Variants in KPNA5 observed in about 807,000 individuals in gnomAD.
KPNA5 encodes importin subunit alpha-6.
In KPNA5, 46 loss-of-function variants were observed where a neutral mutation model predicts 71.3. That is an observed-to-expected ratio of 0.65 (90% CI 0.51 to 0.83). KPNA5 has a LOEUF of 0.83. KPNA5 is among the 40% of genes least tolerant of loss of function. The probability of loss-of-function intolerance (pLI) is 0.00; values close to 1 mark genes in which losing one functional copy is unlikely to be tolerated. For synonymous variants in KPNA5, 207 were observed against 201.4 expected, an observed-to-expected ratio of 1.03 and a Z score of -0.24; for missense variants, 547 against 628.3, an observed-to-expected ratio of 0.87 and a Z score of 1.38.
intron 8 of KPNA5, among the ~76,000 whole-genome samples, chr6:116,717,886 C>T (rs1026572812): frequency 7.6e-6 from 1 of 131,612 alleles, no homozygotes; most frequent in Admixed American, 7.0e-5. Flanking sequence ...CAATAGTGTG[C>T]CCCCCCCACC....
At chr6:116,730,714 G>T (rs868804758) in intron 13 of KPNA5, among the ~76,000 whole-genome samples, 6 of 152,198 alleles carry the variant, frequency 3.9e-5, no homozygotes, top group African/African-American at 1.4e-4. Context: ...TGTGGACTCA[G>T]CAGATGTAAA....
At chr6:116,696,081 T>G (rs1342674586) in intron 4 of KPNA5, among the ~76,000 whole-genome samples, 2 of 152,184 alleles carry the variant, frequency 1.3e-5, no homozygotes, top group Non-Finnish European at 2.9e-5. Flanking sequence ...GCAAGTTGTC[T>G]GGGTATCGAA....
At chr6:116,721,790 GATC>G (rs1779114827) in intron 8 of KPNA5, among the ~76,000 whole-genome samples, 2 of 152,148 alleles carry the variant, frequency 1.3e-5, no homozygotes, top group Non-Finnish European at 2.9e-5. Context: ...TATATTCTGT[GATC>G]ATCATATCAA....
chr6:116,724,515 A>T (rs1779225256), intron 10 of KPNA5, 140 bp downstream of exon 10: 1 of 567,534 alleles, frequency 1.8e-6, no homozygotes, highest in South Asian at 2.7e-5. Context: ...GTCTTGGAGG[A>T]TGGTGAGATG....
At chr6:116,694,303 A>C (rs1045077558) in intron 4 of KPNA5, among the ~76,000 whole-genome samples, 11 of 152,192 alleles carry the variant, frequency 7.2e-5, no homozygotes, top group Non-Finnish European at 1.6e-4. Flanking sequence ...TGGGGATGGC[A>C]TTGAATCTAA....
chr6:116,681,570 C>T (rs1160434899), intron 1 of KPNA5: 1 of 1,293,910 alleles, frequency 7.7e-7, no homozygotes, highest in Non-Finnish European at 9.8e-7. Flanking sequence ...CAGATTCTTT[C>T]AGCAGGTCCT....
intron 7 of KPNA5, among the ~76,000 whole-genome samples, chr6:116,712,692 T>C (rs1473583104): frequency 6.6e-6 from 1 of 152,202 alleles, no homozygotes; most frequent in Non-Finnish European, 1.5e-5. Context: ...CTTAAACTCC[T>C]GGCCTCAAGC....
intron 8 of KPNA5, among the ~76,000 whole-genome samples, chr6:116,718,762 TTC>T (rs960528966): frequency 1.2e-4 from 18 of 151,718 alleles, no homozygotes; most frequent in African/African-American, 4.4e-4. Flanking sequence ...TTTTGAAATT[TTC>T]TTTTTTTTTT....
chr6:116,684,406 A>G (rs983070083), intron 1 of KPNA5, among the ~76,000 whole-genome samples: 2 of 152,178 alleles, frequency 1.3e-5, no homozygotes, highest in Non-Finnish European at 2.9e-5. Context: ...TACCAGTGAC[A>G]TAATTACCAA....
At chr6:116,697,243 T>G (rs1055517878) in intron 4 of KPNA5, among the ~76,000 whole-genome samples, 34 of 152,248 alleles carry the variant, frequency 2.2e-4, no homozygotes, top group Non-Finnish European at 4.4e-4. Context: ...GAATACTTAC[T>G]GTTTTATCCT....
At chr6:116,702,460 A>G (rs970237911) in intron 6 of KPNA5, among the ~76,000 whole-genome samples, 4 of 152,268 alleles carry the variant, frequency 2.6e-5, no homozygotes, top group Admixed American at 6.5e-5. Context: ...AGGCAAGCAG[A>G]TCACTTGAGG....
At chr6:116,690,962 C>T (rs926934017) in intron 2 of KPNA5, among the ~76,000 whole-genome samples, 3 of 152,178 alleles carry the variant, frequency 2.0e-5, no homozygotes, top group Non-Finnish European at 4.4e-5. Context: ...GGCTCAGTGG[C>T]TTATGCCTAT....
chr6:116,725,426 A>T (rs1779254959), intron 10 of KPNA5, among the ~76,000 whole-genome samples: 1 of 152,114 alleles, frequency 6.6e-6, no homozygotes, highest in South Asian at 2.1e-4. Context: ...CATTTGGCAA[A>T]ACTAGAGGTT....
chr6:116,685,762 T>C (rs77755610), intron 1 of KPNA5, among the ~76,000 whole-genome samples: 1 of 152,150 alleles, frequency 6.6e-6, no homozygotes, highest in East Asian at 1.9e-4. Context: ...GTGCACATGT[T>C]TTTATGGTAG....
intron 6 of KPNA5, among the ~76,000 whole-genome samples, chr6:116,702,735 C>T (rs1235835359): frequency 2.0e-5 from 3 of 152,120 alleles, no homozygotes; most frequent in Admixed American, 2.0e-4. Context: ...ATGGCAGAGC[C>T]GGGTTTTAAA....
At position 116,739,754 on chromosome 6, in the gene KPNA5, C is replaced by T. The variant is rs1021812603; in HGVS notation, c.*7431C>T. On this transcript the variant is annotated 3_prime_UTR_variant, in exon 14 of 14. Coordinates refer to ENST00000368564, the MANE Select transcript of KPNA5 (RefSeq NM_001366306.2). Reference sequence around the variant, plus strand: ...AAAAACAAGCAATGGGGAAAGGATTCCCTATTTAATAAATGGTGCTGGGAA... The same window carrying T: ...AAAAACAAGCAATGGGGAAAGGATTTCCTATTTAATAAATGGTGCTGGGAA... 5 of 151,640 alleles carry T rather than the reference C, an allele frequency of 3.3e-5. No individual in the cohort carries two copies. In the South Asian group the frequency reaches 6.3e-4, roughly 19 times the overall value. The allele number at this position is 151,640 out of a possible 1,614,324, so 9.4% of individuals were successfully genotyped here.
chr6:116,725,701 A>G (rs150215719), intron 10 of KPNA5, 50 bp from the exon 11 acceptor site: 49 of 1,453,446 alleles, frequency 3.4e-5, no homozygotes, highest in Admixed American at 1.2e-4. Flanking sequence ...AGATTTTCAT[A>G]TAGGTTATTT....
intron 4 of KPNA5, among the ~76,000 whole-genome samples, chr6:116,692,815 A>C (rs1777856760): frequency 6.6e-6 from 1 of 152,078 alleles, no homozygotes; most frequent in Admixed American, 6.5e-5. Context: ...TACGTGTGCC[A>C]TGTTGGTGTG....
chr6:116,695,896 C>T (rs1778008571), intron 4 of KPNA5, among the ~76,000 whole-genome samples: 1 of 152,008 alleles, frequency 6.6e-6, no homozygotes, highest in Non-Finnish European at 1.5e-5. Context: ...GAGTTTGCCA[C>T]CAGTGTTTTT....
Sources: allele counts gnomAD v4.1 joint callset (sites outside exome capture counted in the v4.1 genomes callset), GRCh38; gene constraint gnomAD v4.1.1; transcripts MANE v1.5; gene names NCBI Gene and HGNC (gene_info 2026-07-23, HGNC 2026-07-21).